The following RSRC1 variants were observed in gnomAD, a reference collection of about 807,000 sequenced individuals.
RSRC1 encodes serine/Arginine-related protein 53.
A neutral mutation model predicts 49.1 loss-of-function variants in RSRC1; 39 were observed. The observed-to-expected ratio is 0.79, with a 90% CI of 0.61 to 1.04. RSRC1 has a LOEUF of 1.04. Ranked by LOEUF, RSRC1 falls within the 50% of genes least tolerant of loss-of-function variation. The probability of loss-of-function intolerance (pLI) is 0.00; values close to 1 mark genes in which losing one functional copy is unlikely to be tolerated. For synonymous variants in RSRC1, 143 were observed against 130.8 expected (o/e 1.09, Z -0.63); for missense variants, 388 against 402.4 (o/e 0.96, Z 0.31).
intron 1 of RSRC1, among the ~76,000 whole-genome samples, chr3:158,114,592 G>A (rs1431104337): frequency 2.0e-5 from 3 of 152,102 alleles, no homozygotes; most frequent in Admixed American, 1.3e-4. Flanking sequence ...ACTTTGGGTG[G>A]TATTGCCATT....
intron 7 of RSRC1, among the ~76,000 whole-genome samples, chr3:158,487,012 G>A (rs1211502510): frequency 1.3e-5 from 2 of 152,126 alleles, no homozygotes; most frequent in African/African-American, 4.8e-5. Flanking sequence ...AATCACTTGA[G>A]AGTTGTTTTT....
chr3:158,191,717 A>C (rs1345546807), intron 3 of RSRC1, among the ~76,000 whole-genome samples: 1 of 151,994 alleles, frequency 6.6e-6, no homozygotes, highest in Admixed American at 6.6e-5. Context: ...AGAGTGATTT[A>C]TCAGAAATAT....
chr3:158,116,859 A>G (rs1714863840), intron 1 of RSRC1, among the ~76,000 whole-genome samples: 1 of 151,978 alleles, frequency 6.6e-6, no homozygotes. Flanking sequence ...TGTATTGCTT[A>G]TATGCTATCA....
intron 6 of RSRC1, among the ~76,000 whole-genome samples, chr3:158,370,926 C>T (rs867588374): frequency 2.6e-5 from 4 of 151,778 alleles, no homozygotes; most frequent in African/African-American, 9.7e-5. Context: ...TCATTTGTTC[C>T]ATATCCTTGA....
chr3:158,273,078 T>G (rs2108059036), intron 4 of RSRC1, among the ~76,000 whole-genome samples: 1 of 152,222 alleles, frequency 6.6e-6, no homozygotes, highest in South Asian at 2.1e-4. Context: ...TAGTGGAAAT[T>G]AATTTGCAGG....
chr3:158,311,037 A>T (rs1044552212), intron 5 of RSRC1, among the ~76,000 whole-genome samples: 11 of 151,880 alleles, frequency 7.2e-5, no homozygotes, highest in African/African-American at 2.7e-4. Flanking sequence ...CAAAAGTGGC[A>T]CTTATTAAAA....
intron 7 of RSRC1, among the ~76,000 whole-genome samples, chr3:158,522,312 T>A (rs1711723654): frequency 6.6e-6 from 1 of 152,128 alleles, no homozygotes; most frequent in Non-Finnish European, 1.5e-5. Flanking sequence ...CTTTACTTTT[T>A]TTTTCTCCCC....
intron 4 of RSRC1, among the ~76,000 whole-genome samples, chr3:158,216,363 T>C (rs1721943333): frequency 6.6e-6 from 1 of 151,522 alleles, no homozygotes; most frequent in African/African-American, 2.4e-5. Flanking sequence ...GAGTTCTTAA[T>C]TTTCTGTAAT....
intron 4 of RSRC1, among the ~76,000 whole-genome samples, chr3:158,260,171 C>T (rs928419339): frequency 7.2e-5 from 11 of 152,102 alleles, no homozygotes; most frequent in African/African-American, 2.7e-4. Flanking sequence ...GCCACCACAG[C>T]TTGGAATGTG....
intron 6 of RSRC1, among the ~76,000 whole-genome samples, chr3:158,401,967 T>C (rs907466654): frequency 6.6e-6 from 1 of 151,970 alleles, no homozygotes; most frequent in African/African-American, 2.4e-5. Flanking sequence ...ACACTCAGTA[T>C]ACTAAGTGTT....
chr3:158,342,676 T>G (rs1394418347), intron 5 of RSRC1, among the ~76,000 whole-genome samples: 1 of 152,234 alleles, frequency 6.6e-6, no homozygotes, highest in Non-Finnish European at 1.5e-5. Flanking sequence ...CACAAGATTC[T>G]TGTTAGTATT....
chr3:158,163,661 T>A (rs909804324), intron 3 of RSRC1, among the ~76,000 whole-genome samples: 13 of 152,158 alleles, frequency 8.5e-5, no homozygotes, highest in Admixed American at 8.5e-4. Flanking sequence ...ACATTTACAC[T>A]CTGAGTGTCA....
At chr3:158,183,922 G>T (rs1331014963) in intron 3 of RSRC1, among the ~76,000 whole-genome samples, 1 of 152,018 alleles carries the variant, frequency 6.6e-6, no homozygotes, top group African/African-American at 2.4e-5. Flanking sequence ...AGATAAAAAA[G>T]ATTGCTGTTT....
At chr3:158,209,290 G>T (rs1429538437) in intron 4 of RSRC1, among the ~76,000 whole-genome samples, 1 of 152,086 alleles carries the variant, frequency 6.6e-6, no homozygotes, top group Non-Finnish European at 1.5e-5. Context: ...TATCATGGGA[G>T]TAGGTTTCTT....
At chr3:158,241,522 A>G (rs1723577498) in intron 4 of RSRC1, among the ~76,000 whole-genome samples, 1 of 151,756 alleles carries the variant, frequency 6.6e-6, no homozygotes, top group East Asian at 1.9e-4. Flanking sequence ...TTATTGAGAA[A>G]CACCAAGTGT....
chr3:158,420,735 C>T (rs1033810169), intron 6 of RSRC1, among the ~76,000 whole-genome samples: 1 of 151,736 alleles, frequency 6.6e-6, no homozygotes, highest in Non-Finnish European at 1.5e-5. Flanking sequence ...TTATAAAGTA[C>T]AATGGAAATG....
chr3:158,222,716 A>G lies in RSRC1; in HGVS notation c.494+19471A>G, dbSNP rs1173177399. On this transcript the variant is annotated intron_variant, in intron 4 of 9. Coordinates refer to ENST00000611884, the MANE Select transcript of RSRC1 (RefSeq NM_001271838.2). ...TATCCATCACCACTTTGCTGTATTTACTTCTTTTCTGACCCAAATTAGCAT... is the reference window on the plus strand; with the variant it reads ...TATCCATCACCACTTTGCTGTATTTGCTTCTTTTCTGACCCAAATTAGCAT... 3.3e-5 allele frequency among the ~76,000 whole-genome samples: 5 copies of G among 151,564 alleles called. No homozygotes were observed. In the Admixed American group the frequency reaches 3.3e-4, roughly 10 times the overall value.
intron 4 of RSRC1, among the ~76,000 whole-genome samples, chr3:158,217,586 G>A (rs933013184): frequency 8.6e-5 from 13 of 151,340 alleles, no homozygotes; most frequent in Non-Finnish European, 1.8e-4. Context: ...CCACATGCAG[G>A]AACAGTGATA....
At chr3:158,158,803 G>A (rs887919843) in intron 3 of RSRC1, among the ~76,000 whole-genome samples, 2 of 152,018 alleles carry the variant, frequency 1.3e-5, no homozygotes, top group South Asian at 2.1e-4. Context: ...GCCAGGCCTG[G>A]TGGCCTGTGC....
Sources: gnomAD v4.1 joint callset for allele counts (sites outside exome capture counted in the v4.1 genomes callset) on GRCh38, gnomAD v4.1.1 for gene constraint, MANE v1.5 for transcripts, NCBI Gene and HGNC (gene_info 2026-07-23, HGNC 2026-07-21) for gene names.